ANO2: variants seen among roughly 807,000 people sequenced by gnomAD.
The protein encoded by ANO2 is anoctamin-2.
A neutral mutation model predicts 124.2 loss-of-function variants in ANO2; 101 were observed. The observed-to-expected ratio is 0.81, with a 90% CI of 0.69 to 0.96. The LOEUF is 0.96. ANO2 is among the 40% of genes least tolerant of loss of function. The pLI, the probability that ANO2 is intolerant of heterozygous loss-of-function variation, is 0.00. For missense variants in ANO2, 1,293 were observed against 1,274.5 expected (o/e 1.01, Z -0.22); for synonymous variants, 486 against 482.5 (o/e 1.01, Z -0.09).
At chr12:5,732,814 T>G (rs994920979) in intron 13 of ANO2, 184 bp from the exon 14 acceptor site, 3 of 1,611,274 alleles carry the variant, frequency 1.9e-6, no homozygotes, top group Non-Finnish European at 8.5e-7. Context: ...GAACACAACG[T>G]GAGGAAGAGA....
intron 4 of ANO2, among the ~76,000 whole-genome samples, chr12:5,833,365 T>C (rs1350508152): frequency 1.3e-5 from 2 of 152,346 alleles, no homozygotes; most frequent in African/African-American, 2.4e-5. Context: ...ACAGAAGTTG[T>C]ATTTCTCATA....
chr12:5,788,956 C>A (rs1952620438), intron 10 of ANO2, among the ~76,000 whole-genome samples: 1 of 152,226 alleles, frequency 6.6e-6, no homozygotes, highest in African/African-American at 2.4e-5. Context: ...CCTTCTTTTT[C>A]TTTCGCATCA....
chr12:5,648,117 T>A (rs1946738590), intron 14 of ANO2, among the ~76,000 whole-genome samples: 1 of 152,228 alleles, frequency 6.6e-6, no homozygotes, highest in African/African-American at 2.4e-5. Flanking sequence ...TTCTGACATT[T>A]ATTTTTTCAT....
At chr12:5,670,254 AAGCATGT>A in intron 14 of ANO2, among the ~76,000 whole-genome samples, 2 of 152,342 alleles carry the variant, frequency 1.3e-5, no homozygotes, top group Admixed American at 1.3e-4. Flanking sequence ...AATAATTATA[AAGCATGT>A]ACTATTAAAT....
Position 5,575,843 on chromosome 12 carries a change from T to C in ANO2, c.2612A>G (p.Gln871Arg). ...PENSQFDQEV[Q>R]FCRFKDYREP... is the part of the protein sequence containing the mutation. Reference sequence around the variant, plus strand: ...CTGAAGATTACTTTACCTGCAGAACTGAACCTCCTGGTCAAACTGTGAGTT... The same window carrying C: ...CTGAAGATTACTTTACCTGCAGAACCGAACCTCCTGGTCAAACTGTGAGTT... The change falls in exon 23 of 25, where the codon CAG (glutamine) becomes CGG (arginine). Residue 871 changes from glutamine to arginine, a missense_variant. Coordinates refer to ENST00000682330, the MANE Select transcript of ANO2 (RefSeq NM_001364791.2). 1 of 1,613,882 alleles carries C rather than the reference T, an allele frequency of 6.2e-7. No homozygotes were observed. The highest frequency in any genetic ancestry group is 1.3e-5 in the African/African-American group (1 of 75,042).
chr12:5,565,302 C>CTT (rs1163908619), intron 24 of ANO2, among the ~76,000 whole-genome samples: 1 of 152,204 alleles, frequency 6.6e-6, no homozygotes, highest in African/African-American at 2.4e-5. Flanking sequence ...CACCCTGCAA[C>CTT]TTATTCCACA....
intron 15 of ANO2, among the ~76,000 whole-genome samples, chr12:5,643,726 A>G (rs1385913637): frequency 1.3e-5 from 2 of 152,208 alleles, no homozygotes; most frequent in African/African-American, 4.8e-5. Context: ...TGTTACTGAC[A>G]GACTTTTGGG....
At chr12:5,775,461 C>CTTT (rs369913885) in intron 10 of ANO2, among the ~76,000 whole-genome samples, 6 of 132,704 alleles carry the variant, frequency 4.5e-5, no homozygotes, top group Non-Finnish European at 6.4e-5. Flanking sequence ...ACCATCAATC[C>CTTT]TTTTTTTTTT....
chr12:5,945,407 C>A (rs539928270), upstream of ANO2: 11 of 496,196 alleles, frequency 2.2e-5, no homozygotes, highest in Non-Finnish European at 2.6e-5. Context: ...CCCCGCTGCG[C>A]CCTGGGCGCC....
At chr12:5,675,071 C>T (rs929984904) in intron 14 of ANO2, among the ~76,000 whole-genome samples, 2 of 152,018 alleles carry the variant, frequency 1.3e-5, no homozygotes, top group African/African-American at 4.8e-5. Context: ...TACAACAGTT[C>T]CTGACCCTCC....
intron 14 of ANO2, among the ~76,000 whole-genome samples, chr12:5,697,429 C>CT (rs1949227718): frequency 6.6e-6 from 1 of 151,660 alleles, no homozygotes; most frequent in African/African-American, 2.4e-5. Flanking sequence ...AAGACTCAGT[C>CT]TCAAAAAAAA....
chr12:5,914,465 C>T (rs760593758), intron 3 of ANO2, among the ~76,000 whole-genome samples: 4 of 152,208 alleles, frequency 2.6e-5, no homozygotes, highest in Non-Finnish European at 4.4e-5. Context: ...CCTGGATTCA[C>T]ACCTGATACC....
intron 3 of ANO2, among the ~76,000 whole-genome samples, chr12:5,890,138 A>G (rs760632004): frequency 6.6e-6 from 1 of 151,924 alleles, no homozygotes; most frequent in Non-Finnish European, 1.5e-5. Flanking sequence ...CCTTGGCTGC[A>G]TGGAAAATTC....
In ANO2 at chr12:5,722,400, A is replaced by G. The variant is rs1162272225; in HGVS notation, c.1545+10120T>C. 5.9e-5 allele frequency among the ~76,000 whole-genome samples: 9 copies of G among 152,250 alleles called. No individual in the cohort carries two copies. The South Asian group carries it at 1.0e-3, about 18-fold the overall frequency. On this transcript the variant is annotated intron_variant, in intron 14 of 24. Coordinates refer to ENST00000682330, the MANE Select transcript of ANO2 (RefSeq NM_001364791.2). ...CGGGCGCCTGTAGTCCCAGCTACTC[A>G]GGAGGCTGAGGCAGGAGAATGGCGT...
intron 14 of ANO2, among the ~76,000 whole-genome samples, chr12:5,700,833 C>T (rs4930791): frequency 0.12 from 18,150 of 152,166 alleles, 1,230 homozygotes; most frequent in African/African-American, 0.19. Context: ...GGACTCCTCA[C>T]GTCTGTTTGA....
intron 16 of ANO2, among the ~76,000 whole-genome samples, chr12:5,619,714 T>C (rs1028564525): frequency 3.3e-5 from 5 of 152,362 alleles, no homozygotes; most frequent in East Asian, 1.9e-4. Flanking sequence ...GATTCCTGAA[T>C]TGCCATGTGG....
At chr12:5,888,003 C>T (rs933235349) in intron 3 of ANO2, among the ~76,000 whole-genome samples, 10 of 152,274 alleles carry the variant, frequency 6.6e-5, no homozygotes, top group Non-Finnish European at 1.5e-4. Flanking sequence ...TCTGTGTCCG[C>T]AATTGGTGGG....
rs371531588 is a variant in ANO2 at position 5,635,691 on chromosome 12, T to C, written c.1621-344A>G. ...ACACACATGACGCAATTTCTTTCAT[T>C]AGGGAGCTTTTGATCTTCTAAAGAG... On this transcript the variant is annotated intron_variant, in intron 15 of 24. Transcript: ENST00000682330. This position sits in a 1 kb window ranked among gnomAD's most constrained non-coding sequence, Gnocchi z 5.2. Among the ~76,000 whole-genome samples, 1 of 151,956 alleles carries C rather than the reference T, an allele frequency of 6.6e-6. No homozygotes were observed. The highest frequency in any genetic ancestry group is 1.5e-5 in the Non-Finnish European group (1 of 68,018).
chr12:5,677,553 T>C (rs545803027), intron 14 of ANO2, among the ~76,000 whole-genome samples: 4 of 152,072 alleles, frequency 2.6e-5, no homozygotes, highest in Non-Finnish European at 5.9e-5. Context: ...CTCTGATGAG[T>C]TGGGAAACTT....
Sources: gnomAD v4.1 joint callset for allele counts (sites outside exome capture counted in the v4.1 genomes callset) on GRCh38, gnomAD v4.1.1 for gene constraint, Gnocchi (gnomAD v3.1) non-coding constraint, MANE v1.5 for transcripts, NCBI Gene and HGNC (gene_info 2026-07-23, HGNC 2026-07-21) for gene names.